BANK1: variants seen among roughly 807,000 people sequenced by gnomAD.
The protein encoded by BANK1 is B cell scaffold protein with ankyrin repeats 1.
In BANK1, 95 loss-of-function variants were observed where a neutral mutation model predicts 94.5. The ratio of observed to expected loss-of-function variants is 1.00; its 90% confidence interval spans 0.85 to 1.19. The LOEUF (loss-of-function observed/expected upper bound fraction) is 1.19. Ranked by LOEUF, BANK1 falls within the 50% of genes most tolerant of loss-of-function variation. The pLI, the probability that BANK1 is intolerant of heterozygous loss-of-function variation, is 0.00. For synonymous variants in BANK1, 334 were observed against 308.4 expected (o/e 1.08, Z -0.87); for missense variants, 987 against 932.2 (o/e 1.06, Z -0.77).
intron 3 of BANK1, among the ~76,000 whole-genome samples, chr4:101,861,153 C>T (rs1234458977): frequency 1.3e-5 from 2 of 152,030 alleles, no homozygotes; most frequent in Admixed American, 6.5e-5. Flanking sequence ...TCCCGATGAG[C>T]GTTGTAAATT....
chr4:102,028,304 A>C (rs1727170953), intron 9 of BANK1, among the ~76,000 whole-genome samples: 2 of 152,148 alleles, frequency 1.3e-5, no homozygotes, highest in African/African-American at 4.8e-5. Context: ...TCATAAAGTC[A>C]AAATCTTAAA....
At chr4:102,048,074 T>C (rs1367761450) in intron 11 of BANK1, among the ~76,000 whole-genome samples, 1 of 152,216 alleles carries the variant, frequency 6.6e-6, no homozygotes, top group Non-Finnish European at 1.5e-5. Flanking sequence ...TACTAACATT[T>C]TAATCATATT....
In BANK1 at chr4:101,956,093, G is replaced by A. The variant is rs75341784; in HGVS notation, c.1206+37904G>A. On this transcript the variant is annotated intron_variant, in intron 7 of 16. Transcript: ENST00000322953. Reference sequence around the variant, plus strand: ...AATGCCACTACCCTTTTCATTAAACGTAAGATTATTTTAAAATAGAGTTTT... The same window carrying A: ...AATGCCACTACCCTTTTCATTAAACATAAGATTATTTTAAAATAGAGTTTT... Among the ~76,000 whole-genome samples the A allele has an allele frequency of 5.0e-3, 757 of 152,022 alleles. 13 individuals are homozygous for A. The East Asian group carries it at 0.057, about 11-fold the overall frequency.
At chr4:101,801,606 A>G (rs1238634833) in intron 1 of BANK1, among the ~76,000 whole-genome samples, 3 of 152,264 alleles carry the variant, frequency 2.0e-5, no homozygotes, top group Non-Finnish European at 4.4e-5. Flanking sequence ...AGGCATTTTC[A>G]TAGTGATATT....
In BANK1 at chr4:102,030,148, C is replaced by A; in HGVS notation, c.1783C>A (p.Leu595Met). The change falls in exon 10 of 17, where the codon CTG becomes ATG. Residue 595 changes from leucine (L) to methionine (M), a missense_variant. Transcript: ENST00000322953. ...TGAATATGACATGATATTGGCCAAT[C>A]TGAGTATAAAGAAAAAAACTGGGAG... ...DSEYDMILANLSIKKKTGSRS... is the reference protein window; with the variant it reads ...DSEYDMILANMSIKKKTGSRS... The A allele has an allele frequency of 1.2e-6, 2 of 1,614,020 alleles. No individual in the cohort carries two copies. Among genetic ancestry groups the A allele is most frequent in the Non-Finnish European group, 1.7e-6 (2 of 1,179,974 alleles).
intron 9 of BANK1, among the ~76,000 whole-genome samples, chr4:102,029,561 AATT>A (rs1158143698): frequency 6.8e-6 from 1 of 148,128 alleles, no homozygotes; most frequent in Non-Finnish European, 1.5e-5. Context: ...TAATACATAT[AATT>A]ATATTTTATA....
At chr4:101,893,689 T>A (rs1721960273) in intron 5 of BANK1, among the ~76,000 whole-genome samples, 1 of 152,030 alleles carries the variant, frequency 6.6e-6, no homozygotes, top group Non-Finnish European at 1.5e-5. Context: ...AATATAAAAT[T>A]GTGTCATCTT....
intron 6 of BANK1, among the ~76,000 whole-genome samples, chr4:101,907,490 G>A (rs542098115): frequency 1.4e-4 from 21 of 152,256 alleles, no homozygotes; most frequent in African/African-American, 5.1e-4. Context: ...TTTGAAAACT[G>A]GCAAAAGACA....
chr4:102,047,400 T>C (rs17211449), intron 11 of BANK1, among the ~76,000 whole-genome samples: 1,525 of 149,888 alleles, frequency 0.01, 9 homozygotes, highest in Non-Finnish European at 0.014. Context: ...TTTCCATTTT[T>C]AGTGATTTCA....
chr4:101,964,742 ATAAAT>A (rs1179360187), intron 7 of BANK1, among the ~76,000 whole-genome samples: 1 of 152,066 alleles, frequency 6.6e-6, no homozygotes, highest in Non-Finnish European at 1.5e-5. Flanking sequence ...TTAACTTAAA[ATAAAT>A]TAAAGAGAAG....
chr4:101,809,609 T>C (rs1725675684), intron 1 of BANK1, among the ~76,000 whole-genome samples: 1 of 152,180 alleles, frequency 6.6e-6, no homozygotes, highest in East Asian at 1.9e-4. Context: ...TGCTTCGCAT[T>C]CTCAAAGGAA....
intron 2 of BANK1, among the ~76,000 whole-genome samples, chr4:101,843,630 G>C (rs1351922898): frequency 1.3e-5 from 2 of 152,102 alleles, no homozygotes; most frequent in East Asian, 3.9e-4. Flanking sequence ...TAAATATATG[G>C]CTACAGCCAG....
chr4:101,946,052 C>T (rs746906435), intron 7 of BANK1, among the ~76,000 whole-genome samples: 12 of 151,828 alleles, frequency 7.9e-5, no homozygotes, highest in Admixed American at 2.0e-4. Context: ...GAAGTTTGAA[C>T]GAATAAGAAT....
intron 11 of BANK1, among the ~76,000 whole-genome samples, chr4:102,051,487 T>C (rs1349241964): frequency 2.0e-5 from 3 of 152,174 alleles, no homozygotes; most frequent in Non-Finnish European, 4.4e-5. Context: ...ATGAAATTCT[T>C]AATAATAGGG....
At chr4:101,807,481 T>C (rs1045864648) in intron 1 of BANK1, among the ~76,000 whole-genome samples, 1 of 152,066 alleles carries the variant, frequency 6.6e-6, no homozygotes, top group African/African-American at 2.4e-5. Flanking sequence ...TCATCAGGAT[T>C]GGATAAGTAT....
rs933381505 is a variant in BANK1, at chr4:101,886,433, C to A, written c.904-8872C>A. On this transcript the variant is annotated intron_variant, in intron 5 of 16. Transcript: ENST00000322953. ...CTTGGAACCTGGCTCCCAAAACAAA[C>A]TAAAAAAGAAATTTCTGAAATGTTT... Among the ~76,000 whole-genome samples, 16 of 152,026 alleles carry A rather than the reference C, an allele frequency of 1.1e-4. 1 individual carries two copies. The highest frequency in any genetic ancestry group is 2.9e-5 in the Non-Finnish European group (2 of 67,984).
chr4:101,829,695 T>C, intron 1 of BANK1, 113 bp from the exon 2 acceptor site: 1 of 541,752 alleles, frequency 1.8e-6, no homozygotes, highest in Admixed American at 3.9e-5. Context: ...AGTTTTTCTC[T>C]GGTATAAGCA....
At chr4:101,955,653 T>C (rs2148916562) in intron 7 of BANK1, among the ~76,000 whole-genome samples, 1 of 152,332 alleles carries the variant, frequency 6.6e-6, no homozygotes, top group East Asian at 1.9e-4. Context: ...GTCTCTTTAA[T>C]GATTGTTTCC....
intron 2 of BANK1, among the ~76,000 whole-genome samples, chr4:101,849,297 G>A (rs1331210806): frequency 6.6e-6 from 1 of 152,110 alleles, no homozygotes; most frequent in African/African-American, 2.4e-5. Context: ...ATTGAGTGCT[G>A]GTCACTTCCT....
Sources: gnomAD v4.1 joint callset for allele counts (sites outside exome capture counted in the v4.1 genomes callset) on GRCh38, gnomAD v4.1.1 for gene constraint, MANE v1.5 for transcripts, NCBI Gene and HGNC (gene_info 2026-07-23, HGNC 2026-07-21) for gene names.